PHLDB2: variants seen among roughly 807,000 people sequenced by gnomAD.
PHLDB2 encodes the protein pleckstrin homology like domain family B member 2.
Under a neutral mutation model 123.6 loss-of-function variants are expected in PHLDB2, and 71 were observed. That is an observed-to-expected ratio of 0.57 (90% CI 0.47 to 0.70). PHLDB2 has a LOEUF of 0.70. Ranked by LOEUF, PHLDB2 falls within the 30% of genes least tolerant of loss-of-function variation. PHLDB2 has a pLI of 0.00. For synonymous variants in PHLDB2, 547 were observed against 541.6 expected (o/e 1.01, Z -0.14); for missense variants, 1,446 against 1,519.5 (o/e 0.95, Z 0.80).
intron 3 of PHLDB2, chr3:111,917,292 A>G (rs1415084836): frequency 1.3e-5 from 2 of 152,246 alleles, no homozygotes; most frequent in South Asian, 4.1e-4. Context: ...GATGATTCCC[A>G]CTATTAACCA....
At chr3:111,831,226 G>A (rs1403126112) in intron 1 of PHLDB2, among the ~76,000 whole-genome samples, 2 of 152,062 alleles carry the variant, frequency 1.3e-5, no homozygotes, top group African/African-American at 2.4e-5. Context: ...CTTTGCATAT[G>A]CATTTTTTAA....
chr3:111,950,615 T>A lies in PHLDB2; in HGVS notation c.2631+1540T>A, dbSNP rs148530046. Among the ~76,000 whole-genome samples the A allele has an allele frequency of 2.6e-3, 399 of 152,102 alleles. 4 individuals are homozygous for A. Among genetic ancestry groups the A allele is most frequent in the African/African-American group, 8.8e-3 (363 of 41,404 alleles). The stretch of plus-strand genomic sequence containing the variant: ...GATGCTTGGGTATTCAAAAAAAAAA[T>A]TTGTTTTGAGACTTCCTTTCGATTA... On this transcript the variant is annotated intron_variant, in intron 10 of 17. Coordinates refer to ENST00000431670, the MANE Select transcript of PHLDB2 (RefSeq NM_001134438.2).
intron 1 of PHLDB2, among the ~76,000 whole-genome samples, chr3:111,743,543 G>A (rs534351472): frequency 1.6e-4 from 25 of 152,334 alleles, no homozygotes; most frequent in African/African-American, 5.1e-4. Flanking sequence ...AGAAGTAGCA[G>A]TGAGATCTTC....
At chr3:111,924,606 C>G (rs1171626798) in intron 5 of PHLDB2, among the ~76,000 whole-genome samples, 1 of 151,896 alleles carries the variant, frequency 6.6e-6, no homozygotes, top group African/African-American at 2.4e-5. Context: ...AGTGGCCTTT[C>G]CCCTTAGGGA....
At chr3:111,812,499 A>T (rs2061885926) in intron 1 of PHLDB2, among the ~76,000 whole-genome samples, 1 of 152,200 alleles carries the variant, frequency 6.6e-6, no homozygotes, top group African/African-American at 2.4e-5. Flanking sequence ...GAGTTTCTCA[A>T]CTTTGGAAGG....
Position 111,969,848 on chromosome 3 carries a change from A to T in PHLDB2, c.3474A>T (p.Lys1158Asn). The T allele has an allele frequency of 1.2e-6, 2 of 1,614,102 alleles. No individual in the cohort carries two copies. The highest frequency in any genetic ancestry group is 1.7e-6 in the Non-Finnish European group (2 of 1,179,936). Residue 1158 changes from lysine (K) to asparagine (N), a missense_variant, in exon 16 of 18, where the codon AAA (lysine) becomes AAT (asparagine). Lys to Asn is a moderately conservative substitution (Grantham distance 94, BLOSUM62 0). Transcript: ENST00000431670. ...TCATCAAAATGGGTGGGAAAATTAAAACGTGGAAAAAACGTTGGTTTGTTT... is the reference window on the plus strand; with the variant it reads ...TCATCAAAATGGGTGGGAAAATTAATACGTGGAAAAAACGTTGGTTTGTTT... ...GFLIKMGGKI[K>N]TWKKRWFVFD...
rs1311213474 is a variant in PHLDB2, at chr3:111,884,800, C to T, written c.723C>T (p.Tyr241=). The part of the protein sequence containing the change: ...SENINLRTRK[Y]SSSSLSHMGA... ...ACATCAATTTGAGAACTAGGAAGTA[C>T]TCCAGCAGCAGCCTGAGTCACATGG... is the stretch of plus-strand genomic sequence containing the variant. Residue 241 remains tyrosine (Y), a synonymous_variant, in exon 2 of 18, where the codon TAC becomes TAT. Transcript: ENST00000431670. 1 of 1,613,960 alleles carries T rather than the reference C, an allele frequency of 6.2e-7. No homozygotes were observed. The highest frequency in any genetic ancestry group is 1.7e-5 in the Admixed American group (1 of 59,996).
chr3:111,849,313 G>A (rs960679621), intron 2 of PHLDB2, among the ~76,000 whole-genome samples: 4 of 151,620 alleles, frequency 2.6e-5, no homozygotes, highest in Non-Finnish European at 4.4e-5. Context: ...TAAGACTATA[G>A]GCCCAAGACA....
intron 13 of PHLDB2, among the ~76,000 whole-genome samples, chr3:111,962,773 C>T (rs1484506346): frequency 6.6e-6 from 1 of 151,408 alleles, no homozygotes; most frequent in East Asian, 2.0e-4. Context: ...CTACTAAATA[C>T]AAAAAATTAG....
chr3:111,938,041 A>G (rs1559912306), intron 6 of PHLDB2, among the ~76,000 whole-genome samples: 1 of 152,170 alleles, frequency 6.6e-6, no homozygotes, highest in Non-Finnish European at 1.5e-5. Flanking sequence ...AATGTCCTCA[A>G]GATTATTCTG....
chr3:111,885,564 T>G, intron 2 of PHLDB2, 152 bp downstream of exon 2: 1 of 1,003,292 alleles, frequency 1.0e-6, no homozygotes, highest in Non-Finnish European at 1.5e-6. Flanking sequence ...CCTGCTATCC[T>G]TCTTCTTCCC....
At chr3:111,744,266 A>G (rs1402472140) in intron 1 of PHLDB2, among the ~76,000 whole-genome samples, 1 of 152,214 alleles carries the variant, frequency 6.6e-6, no homozygotes, top group Non-Finnish European at 1.5e-5. Flanking sequence ...TTTTTATGAG[A>G]TTGGCAATAA....
At chr3:111,768,968 C>G (rs570381382) in intron 1 of PHLDB2, among the ~76,000 whole-genome samples, 3 of 152,300 alleles carry the variant, frequency 2.0e-5, no homozygotes, top group South Asian at 2.1e-4. Context: ...ATTTCTCGAG[C>G]CTTTAATTAT....
chr3:111,825,470 C>T (rs76022647), intron 1 of PHLDB2, among the ~76,000 whole-genome samples: 9,789 of 152,294 alleles, frequency 0.064, 424 homozygotes, highest in South Asian at 0.16. Context: ...TTTTGTGTGA[C>T]GTAATCTCCC....
At chr3:111,939,115 A>T (rs1434998820) in intron 6 of PHLDB2, among the ~76,000 whole-genome samples, 1 of 152,180 alleles carries the variant, frequency 6.6e-6, no homozygotes, top group Non-Finnish European at 1.5e-5. Flanking sequence ...CCTGGCCAAG[A>T]AGAATTTTCT....
At chr3:111,871,510 C>T (rs1316510002) in intron 1 of PHLDB2, among the ~76,000 whole-genome samples, 3 of 151,800 alleles carry the variant, frequency 2.0e-5, no homozygotes, top group Admixed American at 1.3e-4. Flanking sequence ...AAAAAATAGC[C>T]AGGTGTGGTG....
chr3:111,903,719 C>T (rs147154618), intron 2 of PHLDB2, among the ~76,000 whole-genome samples: 13 of 152,186 alleles, frequency 8.5e-5, no homozygotes, highest in East Asian at 3.9e-4. Flanking sequence ...AAAGAGTGAG[C>T]ACCTACTACA....
intron 1 of PHLDB2, among the ~76,000 whole-genome samples, chr3:111,767,974 A>G (rs530076933): frequency 6.6e-6 from 1 of 152,236 alleles, no homozygotes; most frequent in African/African-American, 2.4e-5. Context: ...AGCTGGTAGG[A>G]TGTGATAAAG....
intron 1 of PHLDB2, among the ~76,000 whole-genome samples, chr3:111,877,573 A>G (rs1415099572): frequency 1.3e-5 from 2 of 152,118 alleles, no homozygotes; most frequent in Non-Finnish European, 2.9e-5. Flanking sequence ...TAGTTTAATC[A>G]TATCCCATTT....
Sources: gnomAD v4.1 joint callset for allele counts (sites outside exome capture counted in the v4.1 genomes callset) on GRCh38, gnomAD v4.1.1 for gene constraint, MANE v1.5 for transcripts, NCBI Gene and HGNC (gene_info 2026-07-23, HGNC 2026-07-21) for gene names.